Variants in KCNH7 observed in about 807,000 individuals in gnomAD.
KCNH7 encodes the protein potassium voltage-gated channel subfamily H member 7.
A neutral mutation model predicts 120.8 loss-of-function variants in KCNH7; 49 were observed. The ratio of observed to expected loss-of-function variants is 0.41; its 90% CI spans 0.32 to 0.51. KCNH7 has a LOEUF of 0.51. Ranked by LOEUF, KCNH7 falls within the 20% of genes least tolerant of loss-of-function variation. The pLI is 0.38. For missense variants in KCNH7, 1,097 were observed against 1,446.6 expected (o/e 0.76, Z 3.92); for synonymous variants, 547 against 516.1 (o/e 1.06, Z -0.81).
Position 162,558,133 on chromosome 2 carries a change from T to C in KCNH7, c.308-21053A>G, listed in dbSNP as rs7594502. Among the ~76,000 whole-genome samples, 444 of 152,080 alleles carry C rather than the reference T, an allele frequency of 2.9e-3. 1 individual carries two copies. Among genetic ancestry groups the C allele is most frequent in the Non-Finnish European group, 5.5e-3 (375 of 67,986 alleles). ...TGTGACATCCATACAGTCAGATAGA[T>C]AGTAACGAAGATTAAAATGTGGGTT... On this transcript the variant is annotated intron_variant, in intron 2 of 15. Coordinates refer to ENST00000332142, the MANE Select transcript of KCNH7 (RefSeq NM_033272.4).
At chr2:162,592,384 T>C (rs963195621) in intron 2 of KCNH7, among the ~76,000 whole-genome samples, 1 of 152,006 alleles carries the variant, frequency 6.6e-6, no homozygotes, top group Non-Finnish European at 1.5e-5. Context: ...GCCTAGTAAA[T>C]ATAGTTCCCA....
intron 2 of KCNH7, among the ~76,000 whole-genome samples, chr2:162,574,321 C>G (rs1192021966): frequency 6.6e-6 from 1 of 151,740 alleles, no homozygotes; most frequent in Non-Finnish European, 1.5e-5. Flanking sequence ...ACAAGCCTGT[C>G]TCAACTCATT....
chr2:162,412,114 T>C (rs1262455536), intron 9 of KCNH7, among the ~76,000 whole-genome samples: 2 of 152,002 alleles, frequency 1.3e-5, no homozygotes, highest in African/African-American at 4.8e-5. Flanking sequence ...CAAAAACAAA[T>C]TCTATCAGAA....
At chr2:162,433,855 C>T (rs533234094) in intron 8 of KCNH7, among the ~76,000 whole-genome samples, 10 of 152,010 alleles carry the variant, frequency 6.6e-5, no homozygotes, top group South Asian at 2.1e-4. Flanking sequence ...AATTATCATT[C>T]GACCCAACAA....
rs754514172 is a variant in KCNH7, at chr2:162,380,018, A to G, written c.2966T>C (p.Ile989Thr). 30 of 1,613,746 alleles carry G rather than the reference A, an allele frequency of 1.9e-5. No individual in the cohort carries two copies. The highest frequency in any genetic ancestry group is 4.5e-5 in the East Asian group (2 of 44,858). ...TCGTTCCCAGCTTCGCATGTCAGTG[A>G]TATCTGTGGAAAATAGCAAGATGGA... ...IDKRSHSCKD[I>T]TDMRSWEREN... Residue 989 changes from isoleucine to threonine, a missense_variant, in exon 14 of 16, where the codon ATC becomes ACC. Around this residue, in one of 8 missense-constraint regions of KCNH7, gnomAD observed 406 missense variants for 410.5 expected, o/e 0.99. Transcript: ENST00000332142.
At chr2:162,821,007 T>C (rs1685101258) in intron 2 of KCNH7, among the ~76,000 whole-genome samples, 3 of 152,172 alleles carry the variant, frequency 2.0e-5, no homozygotes, top group African/African-American at 7.2e-5. Context: ...TCCTACTTAA[T>C]AAACACCTTT....
At chr2:162,513,698 C>T (rs1691190410) in intron 4 of KCNH7, among the ~76,000 whole-genome samples, 1 of 151,570 alleles carries the variant, frequency 6.6e-6, no homozygotes, top group Non-Finnish European at 1.5e-5. Context: ...TTATTAACTG[C>T]CCTCCTCCAA....
intron 6 of KCNH7, among the ~76,000 whole-genome samples, chr2:162,454,866 A>C (rs1025709181): frequency 6.6e-6 from 1 of 152,022 alleles, no homozygotes; most frequent in African/African-American, 2.4e-5. Flanking sequence ...CTAAATATAG[A>C]ATCATGTCAG....
intron 10 of KCNH7, 32 bp from the exon 11 acceptor site, chr2:162,396,977 A>G: frequency 6.9e-7 from 1 of 1,440,682 alleles, no homozygotes; most frequent in Non-Finnish European, 9.7e-7. Flanking sequence ...GAGGCGGGGA[A>G]AGGGAATCCA....
At chr2:162,751,971 T>G (rs1688567249) in intron 2 of KCNH7, among the ~76,000 whole-genome samples, 1 of 152,094 alleles carries the variant, frequency 6.6e-6, no homozygotes. Context: ...TCTAGTGATT[T>G]TCAAGAAAAA....
chr2:162,554,705 A>G (rs1032402624), intron 2 of KCNH7, among the ~76,000 whole-genome samples: 2 of 152,134 alleles, frequency 1.3e-5, no homozygotes, highest in African/African-American at 4.8e-5. Flanking sequence ...CATATCCTTC[A>G]TTGACTGTGC....
rs139005941 is a variant in KCNH7 at position 162,549,518 on chromosome 2, G to C, written c.308-12438C>G. Among the ~76,000 whole-genome samples, 76 of 152,264 alleles carry C rather than the reference G, an allele frequency of 5.0e-4. 1 individual carries two copies. Among genetic ancestry groups the C allele is most frequent in the Admixed American group, 3.6e-3 (55 of 15,288 alleles). ...TGAGATAAAGTCCTATATCAGAAAAGTTTCTCTGAAGATGGAAATTTCAGG... is the reference window on the plus strand; with the variant it reads ...TGAGATAAAGTCCTATATCAGAAAACTTTCTCTGAAGATGGAAATTTCAGG... On this transcript the variant is annotated intron_variant, in intron 2 of 15. Coordinates refer to ENST00000332142, the MANE Select transcript of KCNH7 (RefSeq NM_033272.4).
intron 2 of KCNH7, among the ~76,000 whole-genome samples, chr2:162,538,436 G>C (rs1192529088): frequency 6.6e-6 from 1 of 151,936 alleles, no homozygotes; most frequent in Non-Finnish European, 1.5e-5. Flanking sequence ...AGAGGCGGGG[G>C]GAGGTTGAGA....
intron 6 of KCNH7, among the ~76,000 whole-genome samples, chr2:162,481,709 G>T (rs1471547238): frequency 6.6e-6 from 1 of 152,118 alleles, no homozygotes; most frequent in Non-Finnish European, 1.5e-5. Flanking sequence ...AATACATGAG[G>T]TTGTTACTCC....
chr2:162,699,754 TC>T (rs1686424920), intron 2 of KCNH7, among the ~76,000 whole-genome samples: 1 of 152,168 alleles, frequency 6.6e-6, no homozygotes, highest in Non-Finnish European at 1.5e-5. Context: ...CTTTTCCTGT[TC>T]CTGGTGAACA....
chr2:162,823,064 G>C (rs918638992), intron 2 of KCNH7, among the ~76,000 whole-genome samples: 12 of 152,194 alleles, frequency 7.9e-5, no homozygotes, highest in Admixed American at 5.9e-4. Flanking sequence ...CAGGAGATGG[G>C]TGAGGTGGTA....
intron 6 of KCNH7, among the ~76,000 whole-genome samples, chr2:162,498,960 C>T (rs182130138): frequency 1.3e-5 from 2 of 152,028 alleles, no homozygotes; most frequent in African/African-American, 4.8e-5. Flanking sequence ...CATTTTTTTG[C>T]TTAAAGTGGT....
chr2:162,630,614 C>CA, intron 2 of KCNH7, among the ~76,000 whole-genome samples: 1 of 152,038 alleles, frequency 6.6e-6, no homozygotes, highest in Non-Finnish European at 1.5e-5. Context: ...TAAAATTAGA[C>CA]AATAAAAACA....
At chr2:162,501,327 C>G (rs1194724306) in intron 6 of KCNH7, among the ~76,000 whole-genome samples, 1 of 152,026 alleles carries the variant, frequency 6.6e-6, no homozygotes, top group East Asian at 1.9e-4. Flanking sequence ...AAAATATGAT[C>G]AAATTCTGAT....
Sources: allele counts gnomAD v4.1 joint callset (sites outside exome capture counted in the v4.1 genomes callset), GRCh38; gene constraint gnomAD v4.1.1; regional missense constraint gnomAD v4.1.1; transcripts MANE v1.5; gene names NCBI Gene and HGNC (gene_info 2026-07-23, HGNC 2026-07-21).